Variants in TGM3 observed in about 807,000 individuals in gnomAD.
TGM3 encodes the protein transglutaminase 3.
TGM3 carries 52 observed loss-of-function variants against 73.8 expected under a neutral mutation model. That is an observed-to-expected ratio of 0.70 (90% CI 0.56 to 0.89). The LOEUF (loss-of-function observed/expected upper bound fraction) is 0.89, where lower values mean the gene tolerates loss of function less well. Among genes scored for constraint, TGM3 ranks in the 40% least tolerant of loss-of-function variants. The probability of loss-of-function intolerance (pLI) is 0.00; values close to 1 mark genes in which losing one functional copy is unlikely to be tolerated. For synonymous variants in TGM3, 372 were observed against 354.9 expected, an observed-to-expected ratio of 1.05 and a Z score of -0.54; for missense variants, 928 against 909.9, an observed-to-expected ratio of 1.02 and a Z score of -0.26.
intron 7 of TGM3, among the ~76,000 whole-genome samples, chr20:2,318,427 T>C (rs1339867761): frequency 6.6e-6 from 1 of 152,172 alleles, no homozygotes; most frequent in African/African-American, 2.4e-5. Flanking sequence ...CCACTGGAAG[T>C]AGGAAATGTG....
chr20:2,338,724 A>G (rs1293553981), intron 11 of TGM3, among the ~76,000 whole-genome samples: 1 of 152,258 alleles, frequency 6.6e-6, no homozygotes, highest in Non-Finnish European at 1.5e-5. Flanking sequence ...CACAGCAACA[A>G]CAAAACCCAG....
At chr20:2,317,024 A>G in intron 5 of TGM3, 44 bp from the exon 6 acceptor site, 1 of 1,600,612 alleles carries the variant, frequency 6.2e-7, no homozygotes, top group Non-Finnish European at 8.5e-7. Flanking sequence ...TCCCTAGGAA[A>G]GGCATTAGTG....
intron 12 of TGM3, 127 bp from the exon 13 acceptor site, chr20:2,340,307 A>G: frequency 7.3e-7 from 1 of 1,377,454 alleles, no homozygotes; most frequent in Non-Finnish European, 1.0e-6. Context: ...AGAGACAGCT[A>G]GAGGGAGCTA....
At chr20:2,325,813 T>C (rs2084284026) in intron 7 of TGM3, 36 bp from the exon 8 acceptor site, 2 of 1,470,656 alleles carry the variant, frequency 1.4e-6, no homozygotes, top group Non-Finnish European at 1.9e-6. Context: ...CTGTGTGGTC[T>C]TGGGCAAGCG....
At chr20:2,331,912 G>A in intron 9 of TGM3, 90 bp from the exon 10 acceptor site, 1 of 1,469,104 alleles carries the variant, frequency 6.8e-7, no homozygotes, top group Non-Finnish European at 9.2e-7. Context: ...GCCAGCACCA[G>A]TCCTAGGCCG....
At chr20:2,337,534 C>G (rs550977103) in intron 11 of TGM3, among the ~76,000 whole-genome samples, 1 of 152,220 alleles carries the variant, frequency 6.6e-6, no homozygotes, top group Non-Finnish European at 1.5e-5. Context: ...GCCTGGCCAA[C>G]ATGGTGAAAC....
Position 2,310,234 on chromosome 20 carries a change from A to G in TGM3, c.238A>G (p.Ser80Gly), listed in dbSNP as rs757066946. ...TKAVFPLSNG[S>G]SGGWSAVLQA... ...GGCTGTGTTTCCACTCTCCAATGGC[A>G]GTAGTGGTGGCTGGAGTGCGGTGCT... The change falls in exon 3 of 13, where the codon AGT (serine) becomes GGT (glycine). Residue 80 changes from serine (S) to glycine (G), a missense_variant. Physicochemically the swap from Ser to Gly is moderately conservative, Grantham distance 56 (BLOSUM62 0). Transcript: ENST00000381458. 6 of 1,614,104 alleles carry G rather than the reference A, an allele frequency of 3.7e-6. No homozygotes were observed. In the African/African-American group the frequency reaches 4.0e-5, roughly 11 times the overall value.
chr20:2,307,390 C>T (rs993921787), intron 1 of TGM3, among the ~76,000 whole-genome samples: 3 of 152,180 alleles, frequency 2.0e-5, no homozygotes, highest in Admixed American at 1.3e-4. Context: ...CTCTTCTCCA[C>T]GCAGCGCCCC....
At chr20:2,325,179 G>A (rs189497655) in intron 7 of TGM3, among the ~76,000 whole-genome samples, 3 of 152,294 alleles carry the variant, frequency 2.0e-5, no homozygotes, top group Admixed American at 6.5e-5. Context: ...CAGTGTGACT[G>A]TAGTTTCCAT....
intron 7 of TGM3, 127 bp from the exon 8 acceptor site, chr20:2,325,722 C>T: frequency 4.3e-6 from 3 of 703,892 alleles, no homozygotes; most frequent in Non-Finnish European, 5.1e-6. Flanking sequence ...AGCATAACCG[C>T]CGTCACAGGG....
intron 9 of TGM3, among the ~76,000 whole-genome samples, chr20:2,330,995 G>C (rs1391516053): frequency 5.1e-5 from 5 of 97,240 alleles, no homozygotes; most frequent in Non-Finnish European, 7.2e-5. Context: ...GACAGAGTGA[G>C]ACCCTGTCAC....
At chr20:2,309,635 G>C in intron 1 of TGM3, 22 bp from the exon 2 acceptor site, 3 of 1,612,314 alleles carry the variant, frequency 1.9e-6, no homozygotes, top group African/African-American at 1.3e-5. Flanking sequence ...TAGGACTTCA[G>C]GTTCTCCTTT....
chr20:2,330,034 G>A (rs1170192987), intron 9 of TGM3, among the ~76,000 whole-genome samples: 1 of 151,906 alleles, frequency 6.6e-6, no homozygotes, highest in East Asian at 1.9e-4. Context: ...TGGAGAATGG[G>A]CAGGTCCGTT....
At chr20:2,339,424 G>A (rs2084368271) in intron 11 of TGM3, among the ~76,000 whole-genome samples, 1 of 152,142 alleles carries the variant, frequency 6.6e-6, no homozygotes, top group South Asian at 2.1e-4. Context: ...ATCACTTGAG[G>A]CCAGGAGTTC....
In TGM3 at chr20:2,336,933, G is replaced by A. The variant is rs953814643; in HGVS notation, c.1800+1660G>A. Among the ~76,000 whole-genome samples, 7 of 152,048 alleles carry A rather than the reference G, an allele frequency of 4.6e-5. No individual in the cohort carries two copies. The East Asian group carries it at 1.4e-3, about 29-fold the overall frequency. ...AAGCCTTTCCTGAGCTCCCAAATTA[G>A]GCTCCCAAATTCATCTCAATTATAC... On this transcript the variant is annotated intron_variant, in intron 11 of 12. Transcript: ENST00000381458.
intron 1 of TGM3, among the ~76,000 whole-genome samples, chr20:2,297,702 C>T (rs2084118220): frequency 6.6e-6 from 1 of 152,100 alleles, no homozygotes; most frequent in African/African-American, 2.4e-5. Flanking sequence ...TAAATTTGTC[C>T]CACTTGCAGT....
chr20:2,317,431 A>T lies in TGM3; in HGVS notation c.929A>T (p.Asp310Val), dbSNP rs1317661000. 1.9e-6 allele frequency: 3 copies of T among 1,614,094 alleles called. No homozygotes were observed. The highest frequency in any genetic ancestry group is 2.5e-6 in the Non-Finnish European group (3 of 1,180,048). ...AHDTDRNLSV[D>V]VYYDPMGNPL... ...GACACAGACCGAAATCTCAGTGTGGATGTGTACTACGACCCCATGGGAAAC... is the reference window on the plus strand; with the variant it reads ...GACACAGACCGAAATCTCAGTGTGGTTGTGTACTACGACCCCATGGGAAAC... The change falls in exon 7 of 13, where the codon GAT (aspartate) becomes GTT (valine). Residue 310 changes from aspartate to valine, a missense_variant. Physicochemically the swap from Asp to Val is radical, Grantham distance 152 (BLOSUM62 -3). Transcript: ENST00000381458.
At chr20:2,339,813 A>G in intron 11 of TGM3, 41 bp from the exon 12 acceptor site, 1 of 1,612,490 alleles carries the variant, frequency 6.2e-7, no homozygotes, top group South Asian at 1.1e-5. Context: ...GCAGGGGCTG[A>G]GCAGCTGGAG....
intron 1 of TGM3, among the ~76,000 whole-genome samples, chr20:2,305,434 G>C (rs906349958): frequency 1.3e-5 from 2 of 152,210 alleles, no homozygotes; most frequent in Non-Finnish European, 2.9e-5. Context: ...TGCCACACCT[G>C]GGTTCAGGAT....
Sources: allele counts gnomAD v4.1 joint callset (sites outside exome capture counted in the v4.1 genomes callset), GRCh38; gene constraint gnomAD v4.1.1; transcripts MANE v1.5; gene names NCBI Gene and HGNC (gene_info 2026-07-23, HGNC 2026-07-21).